Variants in UBR3 observed in about 807,000 individuals in gnomAD.
UBR3 encodes the protein E3 ubiquitin-protein ligase UBR3.
A neutral mutation model predicts 243.2 loss-of-function variants in UBR3; 85 were observed. The observed-to-expected ratio is 0.35, with a 90% confidence interval of 0.29 to 0.42. The LOEUF (loss-of-function observed/expected upper bound fraction) is 0.42, where lower values mean the gene tolerates loss of function less well. UBR3 is among the 10% of genes least tolerant of loss of function. The pLI is 1.00. For synonymous variants in UBR3, 748 were observed against 799.8 expected (o/e 0.94, Z 1.09); for missense variants, 1,686 against 2,300.8 (o/e 0.73, Z 5.47).
intron 1 of UBR3, among the ~76,000 whole-genome samples, chr2:169,832,352 C>A (rs921633764): frequency 2.0e-5 from 3 of 150,144 alleles, no homozygotes; most frequent in Non-Finnish European, 3.0e-5. Context: ...AGATTGAGAT[C>A]ATCCTGGCTA....
intron 18 of UBR3, among the ~76,000 whole-genome samples, chr2:169,930,425 C>T (rs779107544): frequency 6.6e-6 from 1 of 150,926 alleles, no homozygotes; most frequent in African/African-American, 2.4e-5. Context: ...CTCACTTTGT[C>T]GCTCAGGCTG....
intron 24 of UBR3, among the ~76,000 whole-genome samples, chr2:169,980,545 G>C (rs182193432): frequency 1.3e-5 from 2 of 151,422 alleles, no homozygotes; most frequent in African/African-American, 2.4e-5. Context: ...TTATTTGTTC[G>C]TTCATTTATA....
chr2:170,021,311 G>A (rs181627512), intron 30 of UBR3, among the ~76,000 whole-genome samples: 80 of 152,214 alleles, frequency 5.3e-4, no homozygotes, highest in African/African-American at 1.7e-3. Context: ...ACCATAGACT[G>A]GGTGGCTTAT....
chr2:169,864,100 C>T (rs572459877), intron 1 of UBR3, among the ~76,000 whole-genome samples: 1 of 151,866 alleles, frequency 6.6e-6, no homozygotes, highest in South Asian at 2.1e-4. Context: ...GAATGGAGTG[C>T]AGTGGGATGA....
At chr2:169,851,174 C>T (rs1346480728) in intron 1 of UBR3, among the ~76,000 whole-genome samples, 1 of 152,146 alleles carries the variant, frequency 6.6e-6, no homozygotes, top group South Asian at 2.1e-4. Flanking sequence ...GCACAGGCTA[C>T]AGTGCAGTGG....
intron 24 of UBR3, among the ~76,000 whole-genome samples, chr2:169,982,773 G>A (rs1356279986): frequency 6.7e-6 from 1 of 149,092 alleles, no homozygotes; most frequent in Non-Finnish European, 1.5e-5. Flanking sequence ...TATTATATTA[G>A]TTAGCAATTG....
rs144920807 is a variant in UBR3 at position 169,968,782 on chromosome 2, G to C, written c.3634+10256G>C. Among the ~76,000 whole-genome samples the C allele has an allele frequency of 1.6e-3, 251 of 152,202 alleles. 4 individuals carry two copies. The highest frequency in any genetic ancestry group is 0.012 in the Admixed American group (185 of 15,274). Reference sequence around the variant, plus strand: ...AACCTCCATACTGTTTTTCATAGTTGCTATACTAATTTACATTCTTACTAG... The same window carrying C: ...AACCTCCATACTGTTTTTCATAGTTCCTATACTAATTTACATTCTTACTAG... On this transcript the variant is annotated intron_variant, in intron 24 of 38. Coordinates refer to ENST00000272793, the MANE Select transcript of UBR3 (RefSeq NM_172070.4).
At chr2:169,969,865 G>A (rs12991762) in intron 24 of UBR3, among the ~76,000 whole-genome samples, 64,105 of 150,082 alleles carry the variant, frequency 0.43, 15,203 homozygotes, top group Non-Finnish European at 0.54. Context: ...TGTTTTTTAT[G>A]CCAGTACCAT....
intron 31 of UBR3, among the ~76,000 whole-genome samples, chr2:170,036,460 A>C (rs991997945): frequency 3.9e-5 from 6 of 151,950 alleles, no homozygotes; most frequent in Non-Finnish European, 8.8e-5. Context: ...TTTTTATCTT[A>C]TCAGCCAATA....
Position 170,061,189 on chromosome 2 carries a change from A to G in UBR3, c.4893+3A>G. 6.3e-7 allele frequency: 1 copy of G among 1,586,290 alleles called. No homozygotes were observed. Among genetic ancestry groups the G allele is most frequent in the Non-Finnish European group, 8.5e-7 (1 of 1,171,184 alleles). ...AAGGAACTCAGGAATGTGCAATGGTATGTTTCTGCAAAAATCAGATGTAGC... is the reference window on the plus strand; with the variant it reads ...AAGGAACTCAGGAATGTGCAATGGTGTGTTTCTGCAAAAATCAGATGTAGC... On this transcript the variant is annotated splice_donor_region_variant and intron_variant, in intron 34 of 38. Coordinates refer to ENST00000272793, the MANE Select transcript of UBR3 (RefSeq NM_172070.4).
At chr2:170,008,767 A>T in intron 28 of UBR3, 37 bp from the exon 29 acceptor site, 1 of 1,011,182 alleles carries the variant, frequency 9.9e-7, no homozygotes, top group East Asian at 2.7e-5. Context: ...AAGAAAGTGA[A>T]TATAAACTTT....
In UBR3 at chr2:169,967,507, A is replaced by T. The variant is rs532252969; in HGVS notation, c.3634+8981A>T. ...GACTCTACCACTCTTGTGTGGTTGT[A>T]CAGTCAGTCCCACCTAAATCGTAGG... On this transcript the variant is annotated intron_variant, in intron 24 of 38. Transcript: ENST00000272793. Among the ~76,000 whole-genome samples the T allele has an allele frequency of 4.6e-5, 7 of 152,268 alleles. No homozygotes were observed. The South Asian group carries it at 1.5e-3, about 32-fold the overall frequency.
intron 5 of UBR3, among the ~76,000 whole-genome samples, chr2:169,890,581 G>GTGTATATATATATGTATA (rs1553504582): frequency 2.1e-5 from 2 of 96,528 alleles, no homozygotes; most frequent in Non-Finnish European, 3.9e-5. Flanking sequence ...ATATATATAT[G>GTGTATATATATATGTATA]TATATATATA....
chr2:169,842,026 A>G (rs530930582), intron 1 of UBR3, among the ~76,000 whole-genome samples: 6 of 152,236 alleles, frequency 3.9e-5, no homozygotes, highest in East Asian at 3.9e-4. Flanking sequence ...GAGAGTCTTT[A>G]TATCTAGCTC....
chr2:170,072,343 A>G (rs998861859), intron 35 of UBR3, among the ~76,000 whole-genome samples: 10 of 151,566 alleles, frequency 6.6e-5, no homozygotes, highest in Admixed American at 5.3e-4. Flanking sequence ...AACACCGCAT[A>G]TTCTCACTCA....
intron 20 of UBR3, among the ~76,000 whole-genome samples, chr2:169,945,698 A>G (rs1430257511): frequency 6.6e-6 from 1 of 152,168 alleles, no homozygotes; most frequent in Non-Finnish European, 1.5e-5. Context: ...ATCATATTGA[A>G]TGAGTGATTG....
chr2:169,862,039 G>T (rs1239860590), intron 1 of UBR3, among the ~76,000 whole-genome samples: 1 of 151,752 alleles, frequency 6.6e-6, no homozygotes, highest in African/African-American at 2.4e-5. Context: ...TCTATTTCTG[G>T]ACCCATATTA....
intron 1 of UBR3, among the ~76,000 whole-genome samples, chr2:169,855,630 G>A (rs2082815501): frequency 1.3e-5 from 2 of 152,140 alleles, no homozygotes; most frequent in African/African-American, 2.4e-5. Flanking sequence ...AACCCTTAGT[G>A]GACACAGCAC....
chr2:169,831,127 ATTTTTTTTT>A (rs34139528), intron 1 of UBR3, among the ~76,000 whole-genome samples: 14 of 56,462 alleles, frequency 2.5e-4, no homozygotes, highest in African/African-American at 9.9e-4. Flanking sequence ...ATATATATAT[ATTTTTTTTT>A]TTTTTTTTTT....
Sources: allele counts gnomAD v4.1 joint callset (sites outside exome capture counted in the v4.1 genomes callset), GRCh38; gene constraint gnomAD v4.1.1; transcripts MANE v1.5; gene names NCBI Gene and HGNC (gene_info 2026-07-23, HGNC 2026-07-21).